ELOVL6: variants seen among roughly 807,000 people sequenced by gnomAD.
ELOVL6 encodes very long chain fatty acid elongase 6.
A neutral mutation model predicts 31.7 loss-of-function variants in ELOVL6; 8 were observed. The ratio of observed to expected loss-of-function variants is 0.25; its 90% CI spans 0.15 to 0.45. The LOEUF (loss-of-function observed/expected upper bound fraction) is 0.45. ELOVL6 is among the 20% of genes least tolerant of loss of function. ELOVL6 has a pLI of 1.00. For missense variants in ELOVL6, 126 were observed against 326.4 expected (o/e 0.39, Z 4.73); for synonymous variants, 101 against 117.7 (o/e 0.86, Z 0.92).
chr4:110,184,838 G>A (rs1039519259), intron 1 of ELOVL6, among the ~76,000 whole-genome samples: 4 of 152,186 alleles, frequency 2.6e-5, no homozygotes, highest in African/African-American at 7.2e-5. Flanking sequence ...TAAAATCGAT[G>A]GTTTGAGAAG....
intron 2 of ELOVL6, among the ~76,000 whole-genome samples, chr4:110,100,369 A>G (rs55758438): frequency 0.15 from 23,054 of 152,224 alleles, 1,950 homozygotes; most frequent in African/African-American, 0.22. Flanking sequence ...TTCTGTCTCC[A>G]TGAAGGCTGC....
chr4:110,084,551 C>CAGATATATAT (rs1163599448), intron 2 of ELOVL6, among the ~76,000 whole-genome samples: 1 of 64,700 alleles, frequency 1.5e-5, no homozygotes, highest in Admixed American at 1.7e-4. Flanking sequence ...CACACACACA[C>CAGATATATAT]ACACACACAC....
intron 1 of ELOVL6, among the ~76,000 whole-genome samples, chr4:110,191,384 T>G (rs146116531): frequency 6.6e-6 from 1 of 152,254 alleles, no homozygotes; most frequent in Non-Finnish European, 1.5e-5. Flanking sequence ...TACAGGTAAC[T>G]TTCCCTAAAC....
chr4:110,128,826 GA>G (rs1475672306), intron 1 of ELOVL6, among the ~76,000 whole-genome samples: 15 of 152,284 alleles, frequency 9.9e-5, no homozygotes, highest in African/African-American at 3.1e-4. Flanking sequence ...TCAAGACTGA[GA>G]AAACAGTCAT....
chr4:110,074,010 G>C (rs528201016), intron 2 of ELOVL6, among the ~76,000 whole-genome samples: 26 of 152,126 alleles, frequency 1.7e-4, no homozygotes, highest in Non-Finnish European at 2.9e-4. Context: ...AAATGCAATG[G>C]GAGCAGGGAA....
rs771246353 is a variant in ELOVL6 at position 110,107,453 on chromosome 4, G to T, written c.90-1825C>A. Among the ~76,000 whole-genome samples the T allele has an allele frequency of 4.6e-5, 7 of 152,102 alleles. No individual in the cohort carries two copies. In the East Asian group the frequency reaches 1.3e-3, roughly 29 times the overall value. On this transcript the variant is annotated intron_variant, in intron 1 of 3. Transcript: ENST00000302274. ...ACTAACAGAAAGTTGTACTTTCCCC[G>T]TAATACATTAATAACTAAAGAGTCA...
chr4:110,062,873 AT>A (rs984200533), intron 2 of ELOVL6, among the ~76,000 whole-genome samples: 12 of 152,138 alleles, frequency 7.9e-5, no homozygotes, highest in African/African-American at 2.9e-4. Context: ...TTACTGAAGT[AT>A]TTTTTCCTCT....
At chr4:110,118,008 G>GAGTGC (rs1444667901) in intron 1 of ELOVL6, 1 of 134,556 alleles carries the variant, frequency 7.4e-6, no homozygotes, top group Non-Finnish European at 1.6e-5. Flanking sequence ...GCCCAGGCTG[G>GAGTGC]AGTGCAGTGG....
At chr4:110,160,132 A>ACG (rs1553961534) in intron 1 of ELOVL6, among the ~76,000 whole-genome samples, 3 of 152,176 alleles carry the variant, frequency 2.0e-5, no homozygotes, top group South Asian at 2.1e-4. Context: ...ACACACACAC[A>ACG]AACACTATTG....
At chr4:110,129,737 G>C (rs1392022674) in intron 1 of ELOVL6, among the ~76,000 whole-genome samples, 1 of 152,168 alleles carries the variant, frequency 6.6e-6, no homozygotes, top group Non-Finnish European at 1.5e-5. Context: ...TGAAGTAAAA[G>C]ATGAAATCAG....
chr4:110,142,066 C>CTT (rs34800709), intron 1 of ELOVL6, among the ~76,000 whole-genome samples: 21 of 74,374 alleles, frequency 2.8e-4, no homozygotes, highest in Non-Finnish European at 3.6e-4. Flanking sequence ...CCCTTACTAA[C>CTT]TTTTTTTTTT....
chr4:110,117,235 T>C (rs1265779906), intron 1 of ELOVL6, among the ~76,000 whole-genome samples: 1 of 152,078 alleles, frequency 6.6e-6, no homozygotes, highest in African/African-American at 2.4e-5. Context: ...AAAATGCCAA[T>C]AGTGCTAAGG....
intron 1 of ELOVL6, among the ~76,000 whole-genome samples, chr4:110,118,400 T>C (rs1306988308): frequency 6.6e-6 from 1 of 152,168 alleles, no homozygotes; most frequent in East Asian, 1.9e-4. Flanking sequence ...TATAGATAAT[T>C]CCATGATAAC....
chr4:110,172,670 GT>G lies in ELOVL6; in HGVS notation c.89+25576del, dbSNP rs1758989736. Among the ~76,000 whole-genome samples the G allele has an allele frequency of 2.0e-5, 3 of 152,162 alleles. No individual in the cohort carries two copies. In the South Asian group the frequency reaches 6.2e-4, roughly 31 times the overall value. ...GTGAATACCCTTCTTCTTAAGAAACGTCTTTTTGAGATCTGATTTTACTTAG... is the reference window on the plus strand; with the variant it reads ...GTGAATACCCTTCTTCTTAAGAAACGCTTTTTGAGATCTGATTTTACTTAG... On this transcript the variant is annotated intron_variant, in intron 1 of 3. Transcript: ENST00000302274.
chr4:110,196,461 A>AGGAGGAAGTGCATCC (rs1474999006), intron 1 of ELOVL6, among the ~76,000 whole-genome samples: 1 of 152,076 alleles, frequency 6.6e-6, no homozygotes, highest in Non-Finnish European at 1.5e-5. Context: ...CCTAAGCGGG[A>AGGAGGAAGTGCATCC]GGAGGAAGTG....
intron 1 of ELOVL6, among the ~76,000 whole-genome samples, chr4:110,169,123 G>A (rs182634001): frequency 4.6e-5 from 7 of 151,950 alleles, no homozygotes; most frequent in Admixed American, 3.9e-4. Flanking sequence ...CACCACACCT[G>A]GCTAATTTTT....
chr4:110,154,267 A>AT (rs1182809173), intron 1 of ELOVL6, among the ~76,000 whole-genome samples: 1 of 151,702 alleles, frequency 6.6e-6, no homozygotes, highest in East Asian at 1.9e-4. Flanking sequence ...TTATTATTTT[A>AT]TTTTTTGATA....
Position 110,051,647 on chromosome 4 carries a change from TC to T in ELOVL6, c.488del (p.Gly163GlufsTer5). The stretch of plus-strand genomic sequence containing the variant: ...CATAGTTCATAGTCATGAACCAACC[TC>T]CCCCGGCAACCATGTCTTTGTAGGA... The part of the protein sequence containing the change: ...WYSYKDMVAG[G>X]GWFMTMNYGV... On this transcript the variant is annotated frameshift_variant, in exon 4 of 4. Transcript: ENST00000302274. LOFTEE classifies it high-confidence loss of function. The surrounding 1 kb of genome is among the most constrained non-coding windows in gnomAD (Gnocchi z 4.8). 6.2e-7 allele frequency: 1 copy of T among 1,613,962 alleles called. No individual in the cohort carries two copies. The highest frequency in any genetic ancestry group is 8.5e-7 in the Non-Finnish European group (1 of 1,179,976).
chr4:110,191,477 C>T (rs1386441879), intron 1 of ELOVL6, among the ~76,000 whole-genome samples: 3 of 152,116 alleles, frequency 2.0e-5, no homozygotes, highest in East Asian at 1.9e-4. Context: ...CTGAGGCAAA[C>T]TTTGTAGAAT....
Sources: gnomAD v4.1 joint callset for allele counts (sites outside exome capture counted in the v4.1 genomes callset) on GRCh38, gnomAD v4.1.1 for gene constraint, Gnocchi (gnomAD v3.1) non-coding constraint, MANE v1.5 for transcripts, NCBI Gene and HGNC (gene_info 2026-07-23, HGNC 2026-07-21) for gene names.